Variants in FHL1 observed in about 807,000 individuals in gnomAD.
FHL1 encodes four and a half LIM domains protein 1.
FHL1 carries 1 observed loss-of-function variant against 20.3 expected under a neutral mutation model. The ratio of observed to expected loss-of-function variants is 0.05; its 90% CI spans 0.02 to 0.23. The LOEUF is 0.23. FHL1 is among the 10% of genes least tolerant of loss of function. The pLI is 1.00. For synonymous variants in FHL1, 82 were observed against 88.9 expected (o/e 0.92, Z 0.44); for missense variants, 177 against 234.0 (o/e 0.76, Z 1.59).
intron 2 of FHL1, among the ~76,000 whole-genome samples, chrX:136,172,224 G>T (rs2072889755): frequency 8.9e-6 from 1 of 112,263 alleles, no homozygotes; most frequent in African/African-American, 3.2e-5. Context: ...CCATGTAACA[G>T]AAATATATAG....
upstream of FHL1, among the ~76,000 whole-genome samples, chrX:136,195,860 C>T (rs1008721153): frequency 6.3e-5 from 7 of 111,945 alleles, no homozygotes; most frequent in African/African-American, 1.3e-4. Context: ...TCTGTACCAG[C>T]GAGAAGGTCA....
intron 2 of FHL1, among the ~76,000 whole-genome samples, chrX:136,170,851 C>G (rs1328667829): frequency 1.8e-5 from 2 of 111,331 alleles, no homozygotes; most frequent in Non-Finnish European, 3.8e-5. Flanking sequence ...CACCTTCACC[C>G]TGCCCACCCC....
intron 2 of FHL1, chrX:136,170,030 A>C (rs1017326792): frequency 3.1e-6 from 1 of 322,760 alleles, no homozygotes; most frequent in Non-Finnish European, 6.0e-6. Flanking sequence ...CCAACCTTCT[A>C]AGTTGTGGTA....
chrX:136,203,316 A>G (rs762307312), intron 1 of FHL1, among the ~76,000 whole-genome samples: 1 of 111,639 alleles, frequency 9.0e-6, no homozygotes, highest in South Asian at 3.7e-4. Context: ...CCATCTGGAT[A>G]CAGACTGCAG....
At chrX:136,189,273 G>A (rs1292089709) in intron 2 of FHL1, among the ~76,000 whole-genome samples, 2 of 111,432 alleles carry the variant, frequency 1.8e-5, no homozygotes, top group Non-Finnish European at 1.9e-5. Context: ...GCAGAGATTT[G>A]TTCTCCCCAG....
At chrX:136,160,438 G>GT (rs908776242) in intron 1 of FHL1, among the ~76,000 whole-genome samples, 2 of 111,017 alleles carry the variant, frequency 1.8e-5, no homozygotes, top group South Asian at 3.8e-4. Context: ...TTGTTTGTTT[G>GT]TTTTTTTTGA....
intron 1 of FHL1, among the ~76,000 whole-genome samples, chrX:136,162,836 T>A (rs895307299): frequency 8.9e-6 from 1 of 112,328 alleles, no homozygotes; most frequent in Non-Finnish European, 1.9e-5. Flanking sequence ...ACTTTGTTTG[T>A]GCTGCTGTAA....
At chrX:136,172,994 A>G (rs1328528996) in intron 2 of FHL1, among the ~76,000 whole-genome samples, 1 of 112,758 alleles carries the variant, frequency 8.9e-6, no homozygotes. Flanking sequence ...TGGCCTCCCA[A>G]AGTGCTGGGA....
intron 1 of FHL1, among the ~76,000 whole-genome samples, chrX:136,160,409 G>A (rs1032566193): frequency 1.8e-5 from 2 of 111,502 alleles, no homozygotes; most frequent in Non-Finnish European, 3.8e-5. Flanking sequence ...TATAGAGTTC[G>A]CCTGTTTAGT....
At chrX:136,190,097 T>A (rs1310546030) in intron 2 of FHL1, among the ~76,000 whole-genome samples, 2 of 111,951 alleles carry the variant, frequency 1.8e-5, no homozygotes, top group Non-Finnish European at 3.8e-5. Flanking sequence ...ATGTTTGTTC[T>A]TGTTGATTAT....
rs1569530588 is a variant in FHL1, at chrX:136,208,510, TTG to T, written c.613_614del (p.Val205TyrfsTer4). Reference sequence around the variant, plus strand: ...GATCAGCCCTGGCATGCCGATTGCTTTGTGTGTGTTACCTGCTCTAAGAAGCT... The same window carrying T: ...GATCAGCCCTGGCATGCCGATTGCTTTGTGTGTTACCTGCTCTAAGAAGCT... On this transcript the variant is annotated frameshift_variant, in exon 5 of 6. Transcript: ENST00000370683. LOFTEE classifies it high-confidence loss of function. The T allele has an allele frequency of 8.3e-7, 1 of 1,211,397 alleles. No homozygotes were observed.
intron 1 of FHL1, among the ~76,000 whole-genome samples, chrX:136,151,088 C>T (rs779680749): frequency 8.9e-6 from 1 of 112,257 alleles, no homozygotes; most frequent in Non-Finnish European, 1.9e-5. Context: ...TTCCTGAGTG[C>T]CTGGAGAAAT....
intron 2 of FHL1, among the ~76,000 whole-genome samples, chrX:136,172,300 G>A (rs2072892608): frequency 8.9e-6 from 1 of 112,201 alleles, no homozygotes; most frequent in African/African-American, 3.2e-5. Flanking sequence ...CCCTACTATG[G>A]GCCAGGGCAG....
rs912449542 is a variant in FHL1 at position 136,163,152 on chromosome X, T to C, written c.-100-6755T>C. Among the ~76,000 whole-genome samples the C allele has an allele frequency of 2.7e-5, 3 of 112,302 alleles. No individual in the cohort carries two copies. In the East Asian group the frequency reaches 8.4e-4, roughly 31 times the overall value. ...GGCCCCACCTCTCAATACCATCACATTGTCCATTAAGATTCAACACCTGAA... is the reference window on the plus strand; with the variant it reads ...GGCCCCACCTCTCAATACCATCACACTGTCCATTAAGATTCAACACCTGAA... On this transcript the variant is annotated intron_variant, in intron 1 of 7. Transcript: ENST00000394155.
At chrX:136,149,784 AT>A (rs1209070457) in intron 1 of FHL1, among the ~76,000 whole-genome samples, 3 of 111,385 alleles carry the variant, frequency 2.7e-5, no homozygotes, top group African/African-American at 6.5e-5. Context: ...CAAAATAATT[AT>A]TTTTTTTCCT....
chrX:136,204,613 C>G (rs1233680719), intron 1 of FHL1: 1 of 112,477 alleles, frequency 8.9e-6, no homozygotes, highest in East Asian at 2.8e-4. Context: ...AGCAACTGTC[C>G]TTGCACAAGA....
intron 2 of FHL1, chrX:136,170,011 C>A (rs759403188): frequency 1.2e-5 from 4 of 328,632 alleles, no homozygotes; most frequent in South Asian, 7.9e-5. Context: ...CAAATTCTTA[C>A]ACTGATCTCC....
At position 136,206,565 on chromosome X, in the gene FHL1, A is replaced by G; in HGVS notation, c.181A>G (p.Lys61Glu). 1.6e-6 allele frequency: 2 copies of G among 1,212,340 alleles called. No homozygotes were observed. Among genetic ancestry groups the G allele is most frequent in the Non-Finnish European group, 2.2e-6 (2 of 895,598 alleles). The change falls in exon 2 of 6, where the codon AAG becomes GAG. Residue 61 changes from lysine (K) to glutamate (E), a missense_variant. Transcript: ENST00000370683. Reference sequence around the variant, plus strand: ...TGCCAACACCTGTGTGGAATGCCGCAAGCCCATCGGTGCGGACTCCAAGGT... The same window carrying G: ...TGCCAACACCTGTGTGGAATGCCGCGAGCCCATCGGTGCGGACTCCAAGGT... ...FCANTCVECRKPIGADSKEVH... is the reference protein window; with the variant it reads ...FCANTCVECREPIGADSKEVH...
intron 2 of FHL1, among the ~76,000 whole-genome samples, chrX:136,173,250 CAT>C (rs772813614): frequency 9.2e-4 from 104 of 112,777 alleles, no homozygotes; most frequent in Non-Finnish European, 1.5e-3. Context: ...GTTAATTAAA[CAT>C]GTGTTTCACA....
Sources: allele counts gnomAD v4.1 joint callset (sites outside exome capture counted in the v4.1 genomes callset), GRCh38; gene constraint gnomAD v4.1.1; transcripts MANE v1.5; gene names NCBI Gene and HGNC (gene_info 2026-07-23, HGNC 2026-07-21).